BNC2: variants seen among roughly 807,000 people sequenced by gnomAD.
BNC2 encodes the protein zinc finger protein basonuclin-2.
BNC2 carries 20 observed loss-of-function variants against 76.3 expected under a neutral mutation model. That is an observed-to-expected ratio of 0.26 (90% CI 0.18 to 0.38). BNC2 has a LOEUF of 0.38. Among genes scored for constraint, BNC2 ranks in the 10% least tolerant of loss-of-function variants. BNC2 has a pLI of 1.00. For synonymous variants in BNC2, 582 were observed against 514.8 expected (o/e 1.13, Z -1.77); for missense variants, 1,382 against 1,399.8 (o/e 0.99, Z 0.20).
chr9:16,697,714 G>C (rs1217942254), intron 3 of BNC2, among the ~76,000 whole-genome samples: 2 of 141,666 alleles, frequency 1.4e-5, no homozygotes, highest in Non-Finnish European at 3.0e-5. Context: ...AGTGAGACTC[G>C]ATTTCCAAAA....
chr9:16,819,690 C>T (rs1366182192), intron 1 of BNC2, among the ~76,000 whole-genome samples: 1 of 151,988 alleles, frequency 6.6e-6, no homozygotes, highest in African/African-American at 2.4e-5. Context: ...AAACCAATAT[C>T]CACAGAAATT....
chr9:16,566,765 T>C (rs1212873440), intron 4 of BNC2, among the ~76,000 whole-genome samples: 1 of 152,142 alleles, frequency 6.6e-6, no homozygotes, highest in African/African-American at 2.4e-5. Context: ...TGGAAAGTCG[T>C]CAGAGAATAG....
At chr9:16,800,343 A>C (rs2026804) in intron 1 of BNC2, among the ~76,000 whole-genome samples, 75,318 of 152,080 alleles carry the variant, frequency 0.5, 25,128 homozygotes, top group Non-Finnish European at 0.75. Flanking sequence ...AATACTATCT[A>C]AGTACCATAT....
At position 16,478,652 on chromosome 9, in the gene BNC2, G is replaced by A. The variant is rs990940588; in HGVS notation, c.670-41128C>T. ...CATCTTTTACCACAAATTATAAGAG[G>A]AAAGGACCATTAGATGTTGTAAGTG... On this transcript the variant is annotated intron_variant, in intron 5 of 6. Coordinates refer to ENST00000380672, the MANE Select transcript of BNC2 (RefSeq NM_017637.6). Among the ~76,000 whole-genome samples the A allele has an allele frequency of 1.6e-4, 24 of 152,230 alleles. 1 individual carries two copies. The highest frequency in any genetic ancestry group is 7.8e-4 in the Admixed American group (12 of 15,298).
chr9:16,716,019 C>G (rs1316463942), intron 3 of BNC2, among the ~76,000 whole-genome samples: 1 of 152,190 alleles, frequency 6.6e-6, no homozygotes, highest in Non-Finnish European at 1.5e-5. Flanking sequence ...AAATCCAGAA[C>G]TGATGACCCA....
chr9:16,683,222 T>G (rs1212804313), intron 3 of BNC2, among the ~76,000 whole-genome samples: 3 of 152,024 alleles, frequency 2.0e-5, no homozygotes, highest in Admixed American at 6.6e-5. Flanking sequence ...ATAAAGCTGC[T>G]AAGAAATCTG....
intron 1 of BNC2, among the ~76,000 whole-genome samples, chr9:16,836,073 C>T (rs984203330): frequency 1.3e-5 from 2 of 152,108 alleles, no homozygotes; most frequent in Admixed American, 6.5e-5. Context: ...TCTCTAAAGG[C>T]CTACAGGGAT....
At position 16,824,834 on chromosome 9, in the gene BNC2, G is replaced by C. The variant is rs118084994; in HGVS notation, c.3+45812C>G. On this transcript the variant is annotated intron_variant, in intron 1 of 6. Coordinates refer to ENST00000380672, the MANE Select transcript of BNC2 (RefSeq NM_017637.6). ...AGAACCCAAAGCCACAGATACAAGA[G>C]GACTGTTAGCCTGGAGTGCAAATAA... Among the ~76,000 whole-genome samples the C allele has an allele frequency of 6.5e-3, 984 of 152,264 alleles. 10 individuals carry two copies. The highest frequency in any genetic ancestry group is 0.029 in the South Asian group (138 of 4,824).
At chr9:16,490,694 G>A (rs1407240972) in intron 5 of BNC2, among the ~76,000 whole-genome samples, 1 of 152,142 alleles carries the variant, frequency 6.6e-6, no homozygotes, top group African/African-American at 2.4e-5. Flanking sequence ...CTTTCATACA[G>A]TTGTGCTGGG....
intron 1 of BNC2, among the ~76,000 whole-genome samples, chr9:16,812,005 C>A (rs370887109): frequency 6.6e-6 from 1 of 152,238 alleles, no homozygotes. Flanking sequence ...AGAAAGAGCT[C>A]TGCCTGCCCA....
At chr9:16,681,995 C>G (rs3904778) in intron 3 of BNC2, among the ~76,000 whole-genome samples, 92,993 of 151,550 alleles carry the variant, frequency 0.61, 31,841 homozygotes, top group Non-Finnish European at 0.8. Flanking sequence ...CCGGCAACAC[C>G]ACTTTGTTTA....
At chr9:16,547,180 G>C (rs892791673) in intron 5 of BNC2, among the ~76,000 whole-genome samples, 8 of 152,230 alleles carry the variant, frequency 5.3e-5, no homozygotes, top group Admixed American at 5.2e-4. Flanking sequence ...GCAAAGAGCT[G>C]TTTAAATACA....
chr9:16,743,558 G>C (rs1320140424), intron 1 of BNC2, among the ~76,000 whole-genome samples: 1 of 152,164 alleles, frequency 6.6e-6, no homozygotes, highest in East Asian at 1.9e-4. Flanking sequence ...TAATACCGGA[G>C]AGCAAGCATC....
intron 2 of BNC2, 97 bp from the exon 3 acceptor site, chr9:16,728,094 A>C: frequency 6.5e-6 from 4 of 619,200 alleles, no homozygotes; most frequent in Non-Finnish European, 5.7e-6. Flanking sequence ...TTCATTTGGG[A>C]AGGGGGAGAT....
At chr9:16,458,941 C>T (rs1392916360) in intron 5 of BNC2, among the ~76,000 whole-genome samples, 2 of 152,152 alleles carry the variant, frequency 1.3e-5, no homozygotes, top group African/African-American at 2.4e-5. Context: ...GTTTAGTTTC[C>T]TGGTTTTAAT....
intron 3 of BNC2, among the ~76,000 whole-genome samples, chr9:16,610,258 T>C (rs564503030): frequency 3.9e-5 from 6 of 152,304 alleles, no homozygotes; most frequent in South Asian, 2.1e-4. Context: ...ATTATGCTCA[T>C]AGAGTGGCAT....
At position 16,419,667 on chromosome 9, in the gene BNC2, A is replaced by G; in HGVS notation, c.2640-18T>C. ...CACTGTGTCTAGGAAAACAAGAGGG[A>G]AGGGGGGGTACGTGGATGGGGGGTG... On this transcript the variant is annotated intron_variant, in intron 6 of 6. Transcript: ENST00000380672. 1.7e-6 allele frequency: 1 copy of G among 582,972 alleles called. No homozygotes were observed. Among genetic ancestry groups the G allele is most frequent in the Non-Finnish European group, 3.0e-6 (1 of 335,038 alleles). The allele number at this position is 582,972 out of a possible 1,614,324, so 36.1% of individuals were successfully genotyped here. A position where few individuals can be genotyped will look rare whatever the true frequency, so the allele number is the denominator to read the frequency against.
At chr9:16,796,078 CA>C (rs1817639546) in intron 1 of BNC2, among the ~76,000 whole-genome samples, 1 of 152,164 alleles carries the variant, frequency 6.6e-6, no homozygotes, top group African/African-American at 2.4e-5. Context: ...CATCTCACTT[CA>C]AAGCCCACAC....
At chr9:16,828,963 C>T (rs11788101) in intron 1 of BNC2, among the ~76,000 whole-genome samples, 56,534 of 136,412 alleles carry the variant, frequency 0.41, 14,068 homozygotes, top group Non-Finnish European at 0.58. Context: ...GGCTGGGGCG[C>T]GGGGGAGAGG....
Sources: allele counts gnomAD v4.1 joint callset (sites outside exome capture counted in the v4.1 genomes callset), GRCh38; gene constraint gnomAD v4.1.1; transcripts MANE v1.5; gene names NCBI Gene and HGNC (gene_info 2026-07-23, HGNC 2026-07-21).